Variants in FNBP1L observed in about 807,000 individuals in gnomAD.
FNBP1L encodes the protein formin binding protein 1 like.
FNBP1L carries 36 observed loss-of-function variants against 91.2 expected under a neutral mutation model. The observed-to-expected ratio is 0.39, with a 90% CI of 0.30 to 0.52. The LOEUF is 0.52. FNBP1L is among the 20% of genes least tolerant of loss of function. FNBP1L has a pLI of 0.66. For missense variants in FNBP1L, 571 were observed against 732.1 expected (o/e 0.78, Z 2.54); for synonymous variants, 242 against 237.0 (o/e 1.02, Z -0.19).
intron 5 of FNBP1L, among the ~76,000 whole-genome samples, chr1:93,526,658 G>A (rs1387932244): frequency 2.6e-5 from 4 of 152,178 alleles, no homozygotes; most frequent in Non-Finnish European, 4.4e-5. Flanking sequence ...CTAAGCAAGA[G>A]TAGGGGAGTA....
Position 93,534,829 on chromosome 1 carries a change from A to T in FNBP1L, c.911A>T (p.Gln304Leu). Residue 304 changes from glutamine (Q) to leucine (L), a missense_variant, in exon 9 of 17, where the codon CAG (glutamine) becomes CTG (leucine). Around this residue, in one of 5 missense-constraint regions of FNBP1L, gnomAD observed 150 missense variants for 155.9 expected, o/e 0.96. Coordinates refer to ENST00000271234, the MANE Select transcript of FNBP1L (RefSeq NM_001164473.3). ...GATGGGACTATCAGTGCATCCAAAC[A>T]GGAGAGTGGGAAGATGGATGCCAAA... ...ISDGTISASK[Q>L]ESGKMDAKTT... The T allele has an allele frequency of 6.3e-7, 1 of 1,578,594 alleles. No individual in the cohort carries two copies. The highest frequency in any genetic ancestry group is 1.2e-5 in the South Asian group (1 of 85,830).
chr1:93,522,110 C>G lies in FNBP1L; in HGVS notation c.169C>G (p.Arg57Gly). The G allele has an allele frequency of 6.6e-7, 1 of 1,520,944 alleles. No individual in the cohort carries two copies. Among genetic ancestry groups the G allele is most frequent in the Non-Finnish European group, 8.8e-7 (1 of 1,133,546 alleles). 94.2% of individuals were successfully genotyped at this position (1,520,944 alleles called of 1,614,324 possible). ...TCTGGTTAAGAAGTACTGCCCCAAA[C>G]GTTCATCCAAAGATGAAGAGCCACG... is the stretch of plus-strand genomic sequence containing the variant. ...RNLVKKYCPK[R>G]SSKDEEPRFT... The change falls in exon 3 of 17, where the codon CGT becomes GGT. Residue 57 changes from arginine (R) to glycine (G), a missense_variant. By Grantham distance (125) the Arg-to-Gly change is moderately radical (BLOSUM62 -2). Coordinates refer to ENST00000271234, the MANE Select transcript of FNBP1L (RefSeq NM_001164473.3).
intron 1 of FNBP1L, among the ~76,000 whole-genome samples, chr1:93,454,909 T>TTTTA (rs199611646): frequency 0.046 from 6,968 of 150,904 alleles, 348 homozygotes; most frequent in African/African-American, 0.12. Flanking sequence ...GCTGTTTTAT[T>TTTTA]TTTATTTATT....
chr1:93,453,673 A>T (rs986874359), intron 1 of FNBP1L, among the ~76,000 whole-genome samples: 1 of 152,214 alleles, frequency 6.6e-6, no homozygotes, highest in Non-Finnish European at 1.5e-5. Context: ...CTTGGGGAAT[A>T]TATCTATAGA....
intron 10 of FNBP1L, among the ~76,000 whole-genome samples, chr1:93,537,030 T>C (rs1048566327): frequency 1.3e-5 from 2 of 152,078 alleles, no homozygotes; most frequent in African/African-American, 4.8e-5. Context: ...GAAAATAGAT[T>C]GTAAATTGTA....
At chr1:93,537,349 G>A (rs1195598655) in intron 10 of FNBP1L, among the ~76,000 whole-genome samples, 1 of 151,882 alleles carries the variant, frequency 6.6e-6, no homozygotes, top group Non-Finnish European at 1.5e-5. Context: ...AGGTTGTTTC[G>A]TTCTTCCTTC....
Position 93,514,363 on chromosome 1 carries a change from A to G in FNBP1L, c.141-7719A>G, listed in dbSNP as rs1262760736. Among the ~76,000 whole-genome samples the G allele has an allele frequency of 5.9e-5, 9 of 151,818 alleles. No individual in the cohort carries two copies. In the South Asian group the frequency reaches 6.3e-4, roughly 11 times the overall value. ...CTGCCCAAGGTAATTTACAGATTCAATGCCATCCCCATCAAGCTACCAATG... is the reference window on the plus strand; with the variant it reads ...CTGCCCAAGGTAATTTACAGATTCAGTGCCATCCCCATCAAGCTACCAATG... On this transcript the variant is annotated intron_variant, in intron 2 of 16. Transcript: ENST00000271234.
chr1:93,505,044 A>G (rs1670562116), intron 2 of FNBP1L, among the ~76,000 whole-genome samples: 1 of 150,346 alleles, frequency 6.7e-6, no homozygotes, highest in Admixed American at 6.6e-5. Flanking sequence ...TCTCAGTTTC[A>G]TAGTTTTAGG....
intron 1 of FNBP1L, among the ~76,000 whole-genome samples, chr1:93,467,400 G>A (rs1368979052): frequency 6.6e-6 from 1 of 152,156 alleles, no homozygotes; most frequent in Non-Finnish European, 1.5e-5. Context: ...GACGAATATT[G>A]TACAACTCCG....
chr1:93,493,442 T>C (rs1449160423), intron 1 of FNBP1L, among the ~76,000 whole-genome samples: 1 of 152,212 alleles, frequency 6.6e-6, no homozygotes, highest in Non-Finnish European at 1.5e-5. Flanking sequence ...AGTGCGTTGA[T>C]ACTGTTGTAC....
chr1:93,528,361 A>G (rs1337496046), intron 5 of FNBP1L, among the ~76,000 whole-genome samples: 2 of 152,204 alleles, frequency 1.3e-5, no homozygotes, highest in African/African-American at 2.4e-5. Flanking sequence ...AGGAATCAGA[A>G]TGGAATAGAC....
chr1:93,448,139 TG>T lies in FNBP1L; in HGVS notation c.-139del. 1 of 1,059,252 alleles carries T rather than the reference TG, an allele frequency of 9.4e-7. No homozygotes were observed. The highest frequency in any genetic ancestry group is 1.3e-6 in the Non-Finnish European group (1 of 745,284). 65.6% of individuals were successfully genotyped at this position (1,059,252 alleles called of 1,614,324 possible). On this transcript the variant is annotated 5_prime_UTR_variant, in exon 1 of 17. Transcript: ENST00000271234. ...CTCCAGTCGCGTCTTTCTCACTCAC[TG>T]GGGAGCCCGGCGGTGGCGGCACCTT...
At chr1:93,503,267 C>A (rs1670496458) in intron 2 of FNBP1L, among the ~76,000 whole-genome samples, 1 of 152,024 alleles carries the variant, frequency 6.6e-6, no homozygotes, top group African/African-American at 2.4e-5. Flanking sequence ...CACTGTAAAA[C>A]CATCAGATCT....
At chr1:93,530,205 A>G (rs907972213) in intron 6 of FNBP1L, among the ~76,000 whole-genome samples, 1 of 152,166 alleles carries the variant, frequency 6.6e-6, no homozygotes, top group Non-Finnish European at 1.5e-5. Flanking sequence ...AGCATTCCTT[A>G]AAGTATCTGT....
At chr1:93,484,699 A>G (rs991815016) in intron 1 of FNBP1L, among the ~76,000 whole-genome samples, 3 of 152,210 alleles carry the variant, frequency 2.0e-5, no homozygotes, top group Non-Finnish European at 4.4e-5. Flanking sequence ...AATCTGAGCA[A>G]AGGCTAAACA....
chr1:93,518,274 A>T (rs1570836730), intron 2 of FNBP1L, among the ~76,000 whole-genome samples: 1 of 152,154 alleles, frequency 6.6e-6, no homozygotes, highest in African/African-American at 2.4e-5. Context: ...GAGCTCAGTG[A>T]TGAAGTTAGG....
chr1:93,460,262 C>T (rs1375299199), intron 1 of FNBP1L, among the ~76,000 whole-genome samples: 1 of 152,134 alleles, frequency 6.6e-6, no homozygotes. Flanking sequence ...CTTTCCATTC[C>T]TATTTGCCCT....
intron 1 of FNBP1L, among the ~76,000 whole-genome samples, chr1:93,448,698 A>AG (rs1668366479): frequency 6.7e-6 from 1 of 150,126 alleles, no homozygotes; most frequent in Non-Finnish European, 1.5e-5. Context: ...GAGGCGGGGG[A>AG]GGGGGCCCAT....
chr1:93,497,222 A>G (rs1164339812), intron 1 of FNBP1L, among the ~76,000 whole-genome samples: 2 of 152,154 alleles, frequency 1.3e-5, no homozygotes, highest in South Asian at 2.1e-4. Flanking sequence ...TCGGCCTCCC[A>G]AAGTGCTGGG....
Sources: allele counts gnomAD v4.1 joint callset (sites outside exome capture counted in the v4.1 genomes callset), GRCh38; gene constraint gnomAD v4.1.1; regional missense constraint gnomAD v4.1.1; transcripts MANE v1.5; gene names NCBI Gene and HGNC (gene_info 2026-07-23, HGNC 2026-07-21).